CLYBL: variants seen among roughly 807,000 people sequenced by gnomAD.
CLYBL encodes citramalyl-CoA lyase, mitochondrial.
CLYBL carries 31 observed loss-of-function variants against 38.9 expected under a neutral mutation model. The observed-to-expected ratio is 0.80, with a 90% CI of 0.60 to 1.08. CLYBL has a LOEUF of 1.08. Among genes scored for constraint, CLYBL ranks in the 50% least tolerant of loss-of-function variants. The pLI is 0.00. For synonymous variants in CLYBL, 171 were observed against 158.6 expected, an observed-to-expected ratio of 1.08 and a Z score of -0.59; for missense variants, 434 against 411.6, an observed-to-expected ratio of 1.05 and a Z score of -0.47.
intron 7 of CLYBL, among the ~76,000 whole-genome samples, 175 bp from the exon 8 acceptor site, chr13:99,891,142 AG>A (rs1195698901): frequency 6.6e-6 from 1 of 151,860 alleles, no homozygotes; most frequent in African/African-American, 2.4e-5. Context: ...TCCCCTCTTT[AG>A]GGGGAAAAAA....
chr13:99,684,035 A>ATTTTTTTTTTTTTTTTTT (rs778902077), intron 1 of CLYBL, among the ~76,000 whole-genome samples: 1 of 86,380 alleles, frequency 1.2e-5, no homozygotes, highest in Non-Finnish European at 2.2e-5. Context: ...TGCCTGGCTA[A>ATTTTTTTTTTTTTTTTTT]TTTTTTTTTT....
rs150853553 is a variant in CLYBL, at chr13:99,817,304, C to T, written c.250-41557C>T. 2.8e-3 allele frequency among the ~76,000 whole-genome samples: 432 copies of T among 151,596 alleles called. 5 individuals carry two copies. Among genetic ancestry groups the T allele is most frequent in the African/African-American group, 9.1e-3 (376 of 41,300 alleles). The stretch of plus-strand genomic sequence containing the variant: ...GGAAAGGAGACGAGAGGAGAGGAGA[C>T]GAAAGGAGAGGGGAGGAGAGTGGAG... On this transcript the variant is annotated intron_variant, in intron 2 of 8. Coordinates refer to ENST00000339105, the MANE Select transcript of CLYBL (RefSeq NM_206808.5).
In CLYBL at chr13:99,884,980, G is replaced by A. The variant is rs570299250; in HGVS notation, c.928-6338G>A. On this transcript the variant is annotated intron_variant, in intron 7 of 8. Coordinates refer to ENST00000339105, the MANE Select transcript of CLYBL (RefSeq NM_206808.5). ...GAACTTGTGTCCTTCTATTCAGGTA[G>A]GTCGGTATTGCTGCTCTTGGCTTTG... The A allele has an allele frequency of 6.9e-5, 33 of 479,864 alleles. No homozygotes were observed. The East Asian group carries it at 2.2e-3, about 32-fold the overall frequency. The allele number at this position is 479,864 out of a possible 1,614,324, so 29.7% of individuals were successfully genotyped here. A position where few individuals can be genotyped will look rare whatever the true frequency, so the allele number is the denominator to read the frequency against.
chr13:99,810,592 C>A (rs1388582400), intron 2 of CLYBL, among the ~76,000 whole-genome samples: 1 of 152,104 alleles, frequency 6.6e-6, no homozygotes, highest in Non-Finnish European at 1.5e-5. Flanking sequence ...GCCTGGTGAT[C>A]CTGGACTTGG....
intron 2 of CLYBL, among the ~76,000 whole-genome samples, chr13:99,775,311 C>G (rs1307792164): frequency 1.3e-5 from 2 of 152,126 alleles, no homozygotes; most frequent in Non-Finnish European, 2.9e-5. Context: ...ATCCTTATCT[C>G]CATAGTAGTA....
intron 2 of CLYBL, among the ~76,000 whole-genome samples, chr13:99,815,939 T>A (rs2050438195): frequency 6.6e-6 from 1 of 152,222 alleles, no homozygotes; most frequent in Admixed American, 6.5e-5. Flanking sequence ...GTTAAAGATC[T>A]ATCAGCAGAG....
At position 99,812,117 on chromosome 13, in the gene CLYBL, T is replaced by C. The variant is rs9585230; in HGVS notation, c.249+39107T>C. ...AGACTGAGACTTCTTCCTCATAGTG[T>C]GACTGTTCCTACATTTTGCTCCAGG... On this transcript the variant is annotated intron_variant, in intron 2 of 8. Transcript: ENST00000339105. 6.3e-3 allele frequency among the ~76,000 whole-genome samples: 967 copies of C among 152,344 alleles called. 11 individuals are homozygous for C. The highest frequency in any genetic ancestry group is 0.022 in the African/African-American group (916 of 41,574).
chr13:99,607,792 G>C (rs1160018427), intron 1 of CLYBL, among the ~76,000 whole-genome samples: 2 of 152,208 alleles, frequency 1.3e-5, no homozygotes, highest in Admixed American at 1.3e-4. Context: ...CACCTAGGCT[G>C]TAGTACAGTG....
chr13:99,645,549 GT>G (rs1484513158), intron 1 of CLYBL, among the ~76,000 whole-genome samples: 1 of 151,124 alleles, frequency 6.6e-6, no homozygotes, highest in Non-Finnish European at 1.5e-5. Flanking sequence ...TCTTACCGTA[GT>G]TTTGATTTGC....
chr13:99,850,994 T>G (rs145822253), intron 2 of CLYBL, among the ~76,000 whole-genome samples: 9 of 152,158 alleles, frequency 5.9e-5, no homozygotes, highest in Admixed American at 4.6e-4. Flanking sequence ...AGAAAGTAAA[T>G]TAGAGGTTAC....
At chr13:99,641,104 T>C (rs997326969) in intron 1 of CLYBL, among the ~76,000 whole-genome samples, 2 of 152,258 alleles carry the variant, frequency 1.3e-5, no homozygotes, top group African/African-American at 4.8e-5. Context: ...CTCTGAATAT[T>C]CTTGCCTTCA....
intron 1 of CLYBL, among the ~76,000 whole-genome samples, chr13:99,704,820 A>G (rs971783638): frequency 2.6e-5 from 4 of 152,166 alleles, no homozygotes; most frequent in African/African-American, 9.7e-5. Flanking sequence ...GACTTCTTTC[A>G]TATGCACAGG....
At chr13:99,809,205 T>C (rs1289437596) in intron 2 of CLYBL, among the ~76,000 whole-genome samples, 1 of 152,208 alleles carries the variant, frequency 6.6e-6, no homozygotes, top group East Asian at 1.9e-4. Context: ...AAATATAATT[T>C]AACAAATAAA....
intron 1 of CLYBL, among the ~76,000 whole-genome samples, chr13:99,716,375 A>G (rs1445768183): frequency 2.7e-5 from 3 of 111,718 alleles, no homozygotes; most frequent in Non-Finnish European, 5.3e-5. Flanking sequence ...ACTGGCCTAT[A>G]TTTTTCTTTC....
At chr13:99,726,807 A>C (rs1156287146) in intron 1 of CLYBL, among the ~76,000 whole-genome samples, 2 of 152,038 alleles carry the variant, frequency 1.3e-5, no homozygotes, top group Admixed American at 1.3e-4. Context: ...GGGCCAGGGA[A>C]GTTACCTGGT....
chr13:99,669,277 C>CA (rs1187193829), intron 1 of CLYBL, among the ~76,000 whole-genome samples: 1 of 152,094 alleles, frequency 6.6e-6, no homozygotes, highest in East Asian at 1.9e-4. Flanking sequence ...GCTGGGATTA[C>CA]AGGTGTGAGC....
intron 1 of CLYBL, among the ~76,000 whole-genome samples, chr13:99,611,213 C>T (rs2046621597): frequency 1.3e-5 from 2 of 152,192 alleles, no homozygotes; most frequent in Non-Finnish European, 2.9e-5. Flanking sequence ...CCCTATATTG[C>T]TGCAAGTCTT....
At chr13:99,756,641 A>G (rs1411836745) in intron 1 of CLYBL, among the ~76,000 whole-genome samples, 2 of 152,172 alleles carry the variant, frequency 1.3e-5, no homozygotes, top group Non-Finnish European at 2.9e-5. Flanking sequence ...CTCATTGGCT[A>G]GTGTTAGTGT....
At chr13:99,795,340 T>C (rs1566330205) in intron 2 of CLYBL, among the ~76,000 whole-genome samples, 1 of 152,116 alleles carries the variant, frequency 6.6e-6, no homozygotes, top group Non-Finnish European at 1.5e-5. Context: ...ATTGATTAAC[T>C]CCAGGTAATT....
Sources: gnomAD v4.1 joint callset for allele counts (sites outside exome capture counted in the v4.1 genomes callset) on GRCh38, gnomAD v4.1.1 for gene constraint, MANE v1.5 for transcripts, NCBI Gene and HGNC (gene_info 2026-07-23, HGNC 2026-07-21) for gene names.